Variants in PTGR2 observed in about 807,000 individuals in gnomAD.
PTGR2 encodes 15-oxoprostaglandin 13-reductase.
A neutral mutation model predicts 43.4 loss-of-function variants in PTGR2; 32 were observed. The observed-to-expected ratio is 0.74, with a 90% CI of 0.56 to 0.99. The LOEUF (loss-of-function observed/expected upper bound fraction) is 0.99. Ranked by LOEUF, PTGR2 falls within the 50% of genes least tolerant of loss-of-function variation. The pLI is 0.00. For missense variants in PTGR2, 373 were observed against 420.0 expected (o/e 0.89, Z 0.98); for synonymous variants, 106 against 139.2 (o/e 0.76, Z 1.68).
At position 73,851,898 on chromosome 14, in the gene PTGR2, C is replaced by T. The variant is rs777555196; in HGVS notation, c.-93C>T. 3 of 152,258 alleles carry T rather than the reference C, an allele frequency of 2.0e-5. No individual in the cohort carries two copies. Among genetic ancestry groups the T allele is most frequent in the African/African-American group, 4.8e-5 (2 of 41,458 alleles). The allele number at this position is 152,258 out of a possible 1,614,324, so 9.4% of individuals were successfully genotyped here. A position where few individuals can be genotyped will look rare whatever the true frequency, so the allele number is the denominator to read the frequency against. ...GAGCTGGGGTCGTGCAGTACAGCCT[C>T]TTTCCGGCAAATCACGCGAGATTTC... is the stretch of plus-strand genomic sequence containing the variant. On this transcript the variant is annotated 5_prime_UTR_variant, in exon 1 of 10. Transcript: ENST00000555661.
At chr14:73,880,818 A>ATG (rs892630716) in intron 7 of PTGR2, among the ~76,000 whole-genome samples, 1 of 152,088 alleles carries the variant, frequency 6.6e-6, no homozygotes, top group Non-Finnish European at 1.5e-5. Flanking sequence ...ATTATTTGAG[A>ATG]TGGAGTCTCG....
At chr14:73,858,088 G>A (rs1156481008) in intron 1 of PTGR2, 1 of 152,052 alleles carries the variant, frequency 6.6e-6, no homozygotes, top group Admixed American at 6.6e-5. Context: ...ATTGAGAAGG[G>A]AAAAGAGTAG....
At chr14:73,877,630 A>G (rs1056988336) in intron 5 of PTGR2, 2 of 150,252 alleles carry the variant, frequency 1.3e-5, no homozygotes, top group Admixed American at 1.3e-4. Context: ...TTTTTTACCT[A>G]CTTAGACTCT....
intron 8 of PTGR2, among the ~76,000 whole-genome samples, chr14:73,881,617 G>A (rs1566643212): frequency 6.6e-6 from 1 of 152,004 alleles, no homozygotes; most frequent in Non-Finnish European, 1.5e-5. Context: ...TGTGTTAGAA[G>A]CTGTGCTTTC....
At chr14:73,872,660 T>A (rs532011866) in intron 3 of PTGR2, among the ~76,000 whole-genome samples, 1 of 152,344 alleles carries the variant, frequency 6.6e-6, no homozygotes, top group Non-Finnish European at 1.5e-5. Context: ...TTTAATTTTT[T>A]ATTTAAAAAC....
At chr14:73,871,926 G>A (rs528170290) in intron 3 of PTGR2, among the ~76,000 whole-genome samples, 1 of 152,094 alleles carries the variant, frequency 6.6e-6, no homozygotes, top group Non-Finnish European at 1.5e-5. Flanking sequence ...TACGTGGGAG[G>A]TGGCACACAA....
rs58234739 is a variant in PTGR2, at chr14:73,883,188, C to CTTTTTTTTTTTT, written c.979+771_979+782dup. 7.4e-4 allele frequency among the ~76,000 whole-genome samples: 43 copies of CTTTTTTTTTTTT among 58,152 alleles called. 5 individuals are homozygous for CTTTTTTTTTTTT. The East Asian group carries it at 0.011, about 14-fold the overall frequency. The allele number at this position is 58,152 out of a possible 152,430, so 38.1% of individuals were successfully genotyped here. ...CCTGCCCTTCCCTCCCCTCACCTCC[C>CTTTTTTTTTTTT]TTTTTTTTTTTTTTTTTTTTTTTTT... On this transcript the variant is annotated intron_variant, in intron 9 of 9. Transcript: ENST00000555661.
chr14:73,869,436 C>G (rs893480439), intron 3 of PTGR2, among the ~76,000 whole-genome samples: 1 of 151,584 alleles, frequency 6.6e-6, no homozygotes, highest in Non-Finnish European at 1.5e-5. Flanking sequence ...GCGGGAGGAT[C>G]ACTTGAGCCC....
chr14:73,875,595 T>C (rs1185230866), intron 4 of PTGR2, among the ~76,000 whole-genome samples: 1 of 150,956 alleles, frequency 6.6e-6, no homozygotes, highest in Non-Finnish European at 1.5e-5. Flanking sequence ...CCACCCGCCT[T>C]GGCCTCCCAA....
At chr14:73,869,427 C>T (rs11629044) in intron 3 of PTGR2, among the ~76,000 whole-genome samples, 74,057 of 151,200 alleles carry the variant, frequency 0.49, 18,312 homozygotes, top group South Asian at 0.61. Flanking sequence ...GAGGCTGAGG[C>T]GGGAGGATCA....
intron 4 of PTGR2, among the ~76,000 whole-genome samples, chr14:73,876,098 C>T (rs919201893): frequency 1.3e-5 from 2 of 152,018 alleles, no homozygotes; most frequent in Admixed American, 6.6e-5. Flanking sequence ...GGATTACAGG[C>T]GTGAGCCACC....
chr14:73,860,545 A>T lies in PTGR2; in HGVS notation c.44A>T (p.Asn15Ile). The T allele has an allele frequency of 6.6e-7, 1 of 1,516,834 alleles. No individual in the cohort carries two copies. Among genetic ancestry groups the T allele is most frequent in the Non-Finnish European group, 9.0e-7 (1 of 1,106,338 alleles). 94.0% of individuals were successfully genotyped at this position (1,516,834 alleles called of 1,614,324 possible). The change falls in exon 3 of 10, where the codon AAT (asparagine) becomes ATT (isoleucine). Residue 15 changes from asparagine to isoleucine, a missense_variant. Coordinates refer to ENST00000555661, the MANE Select transcript of PTGR2 (RefSeq NM_001146154.2). ...RVVLNSRPGK[N>I]GNPVAENFRM... is the part of the protein sequence containing the mutation. ...TTTTTGCATAATATTTTAGGAAAAA[A>T]TGGTAATCCAGTGGCAGAGAATTTC...
At position 73,882,436 on chromosome 14, in the gene PTGR2, G is replaced by T; in HGVS notation, c.977G>T (p.Gly326Val). The T allele has an allele frequency of 1.9e-6, 3 of 1,561,172 alleles. No homozygotes were observed. Among genetic ancestry groups the T allele is most frequent in the South Asian group, 1.1e-5 (1 of 89,626 alleles). The change falls in exon 9 of 10, where the codon GGA (glycine) becomes GTA (valine). Residue 326 changes from glycine to valine, a missense_variant and splice_region_variant. By Grantham distance (109) the Gly-to-Val change is moderately radical. Transcript: ENST00000555661. The stretch of plus-strand genomic sequence containing the variant: ...GTAATAAATGGGTTGGAAAACATGG[G>T]AGGTAAGATGAATGTAGACTTATTA... ...ETVINGLENM[G>V]AAFQSMMTGG... is the part of the protein sequence containing the mutation.
chr14:73,858,396 C>CA, intron 1 of PTGR2: 1 of 156,014 alleles, frequency 6.4e-6, no homozygotes, highest in Non-Finnish European at 1.4e-5. Context: ...ACTAAAAATA[C>CA]AAAAAAATTA....
rs766058778 is a variant in PTGR2 at position 73,880,104 on chromosome 14, A to C, written c.779A>C (p.Asn260Thr). 1.7e-5 allele frequency: 27 copies of C among 1,613,960 alleles called. No homozygotes were observed. Among genetic ancestry groups the C allele is most frequent in the Non-Finnish European group, 2.3e-5 (27 of 1,179,874 alleles). The change falls in exon 7 of 10, where the codon AAC (asparagine) becomes ACC (threonine). Residue 260 changes from asparagine to threonine, a missense_variant. Coordinates refer to ENST00000555661, the MANE Select transcript of PTGR2 (RefSeq NM_001146154.2). Reference sequence around the variant, plus strand: ...CTGTGTGGTCAAATTTCTCAGTACAACAAAGATGTGCCTTATCCTCCCCCG... The same window carrying C: ...CTGTGTGGTCAAATTTCTCAGTACACCAAAGATGTGCCTTATCCTCCCCCG... ...IILCGQISQY[N>T]KDVPYPPPLS...
At chr14:73,875,711 G>A (rs535164455) in intron 4 of PTGR2, among the ~76,000 whole-genome samples, 18 of 146,618 alleles carry the variant, frequency 1.2e-4, no homozygotes, top group Admixed American at 3.4e-4. Flanking sequence ...TTCCATTGTT[G>A]CCAAGTATTT....
In PTGR2 at chr14:73,851,942, G is replaced by C. The variant is rs2270074; in HGVS notation, c.-49G>C. 74,419 of 152,034 alleles carry C rather than the reference G, an allele frequency of 0.49. 18,452 individuals carry two copies. Among genetic ancestry groups the C allele is most frequent in the South Asian group, 0.61 (2,936 of 4,820 alleles). 9.4% of individuals were successfully genotyped at this position (152,034 alleles called of 1,614,324 possible). A position where few individuals can be genotyped will look rare whatever the true frequency, so the allele number is the denominator to read the frequency against. ...AGATTTCGTTCACCCGGGCTCCACA[G>C]GGTCAGTGACGCGCGAGCGGCTCCC... On this transcript the variant is annotated splice_region_variant and 5_prime_UTR_variant, in exon 1 of 10. Transcript: ENST00000555661.
At chr14:73,883,013 G>A (rs938881960) in intron 9 of PTGR2, among the ~76,000 whole-genome samples, 2 of 149,318 alleles carry the variant, frequency 1.3e-5, no homozygotes, top group Non-Finnish European at 3.0e-5. Flanking sequence ...TAGAGACAGG[G>A]TTTCAACATA....
chr14:73,865,149 T>C (rs555991856), intron 3 of PTGR2, among the ~76,000 whole-genome samples: 38 of 152,280 alleles, frequency 2.5e-4, no homozygotes, highest in Non-Finnish European at 5.1e-4. Context: ...CATGATAGGC[T>C]GTCTACAAAC....
Sources: allele counts gnomAD v4.1 joint callset (sites outside exome capture counted in the v4.1 genomes callset), GRCh38; gene constraint gnomAD v4.1.1; transcripts MANE v1.5; gene names NCBI Gene and HGNC (gene_info 2026-07-23, HGNC 2026-07-21).